Variants in FREM2 observed in about 807,000 individuals in gnomAD.
FREM2 encodes the protein FRAS1 related extracellular matrix 2.
FREM2 carries 119 observed loss-of-function variants against 219.9 expected under a neutral mutation model. The ratio of observed to expected loss-of-function variants is 0.54; its 90% confidence interval spans 0.47 to 0.63. The LOEUF (loss-of-function observed/expected upper bound fraction) is 0.63. Among genes scored for constraint, FREM2 ranks in the 30% least tolerant of loss-of-function variants. The pLI is 0.00. For synonymous variants in FREM2, 1,562 were observed against 1,522.8 expected, an observed-to-expected ratio of 1.03 and a Z score of -0.60; for missense variants, 4,030 against 3,993.6, an observed-to-expected ratio of 1.01 and a Z score of -0.25.
intron 2 of FREM2, among the ~76,000 whole-genome samples, chr13:38,704,659 G>C (rs1046160385): frequency 6.6e-6 from 1 of 152,142 alleles, no homozygotes; most frequent in South Asian, 2.1e-4. Flanking sequence ...GAGTGATTTA[G>C]ATTTTGTGCT....
rs779322969 is a variant in FREM2 at position 38,692,211 on chromosome 13, G to A, written c.4867G>A (p.Gly1623Ser). 1 of 1,613,996 alleles carries A rather than the reference G, an allele frequency of 6.2e-7. No homozygotes were observed. The highest frequency in any genetic ancestry group is 1.3e-5 in the African/African-American group (1 of 74,920). ...TAGCTTCTCCTTCACAGTGACTGAT[G>A]GCACCCATACAGACTTCTATGTTTT... ...EDSFSFTVTDGTHTDFYVFPD... is the reference protein window; with the variant it reads ...EDSFSFTVTDSTHTDFYVFPD... The change falls in exon 1 of 24, where the codon GGC becomes AGC. Residue 1623 changes from glycine (G) to serine (S), a missense_variant. Transcript: ENST00000280481.
chr13:38,688,219 C>A lies in FREM2; in HGVS notation c.875C>A (p.Pro292His), dbSNP rs1869590764. The A allele has an allele frequency of 1.2e-6, 2 of 1,613,404 alleles. No individual in the cohort carries two copies. Among genetic ancestry groups the A allele is most frequent in the Non-Finnish European group, 8.5e-7 (1 of 1,179,678 alleles). Residue 292 changes from proline (P) to histidine (H), a missense_variant, in exon 1 of 24, where the codon CCT (proline) becomes CAT (histidine). Pro to His is a moderately conservative substitution (Grantham distance 77, BLOSUM62 -2). Around this residue, in one of 2 missense-constraint regions of FREM2, gnomAD observed 3,102 missense variants for 2,950.7 expected, o/e 1.05. Coordinates refer to ENST00000280481, the MANE Select transcript of FREM2 (RefSeq NM_207361.6). ...MVVELRSRGA[P>H]VGSPALKREH... Reference sequence around the variant, plus strand: ...GTGGAGCTGCGTTCACGAGGGGCTCCTGTGGGCAGCCCTGCTTTGAAACGC... The same window carrying A: ...GTGGAGCTGCGTTCACGAGGGGCTCATGTGGGCAGCCCTGCTTTGAAACGC...
Position 38,857,876 on chromosome 13 carries a change from TGACGAAA to T in FREM2, c.7060_7066del (p.Thr2354ProfsTer5), listed in dbSNP as rs1877619819. ...GTGATAATTGTCTTTTCCTTCTAGT[TGACGAAA>T]GCCATTGTGTACATAGAAGAAATGA... On this transcript the variant is annotated frameshift_variant and splice_region_variant, in exon 13 of 24. Coordinates refer to ENST00000280481, the MANE Select transcript of FREM2 (RefSeq NM_207361.6). LOFTEE classifies it high-confidence loss of function. 2 of 1,613,094 alleles carry T rather than the reference TGACGAAA, an allele frequency of 1.2e-6. No homozygotes were observed. The highest frequency in any genetic ancestry group is 1.7e-6 in the Non-Finnish European group (2 of 1,179,032).
intron 6 of FREM2, among the ~76,000 whole-genome samples, chr13:38,831,441 C>A (rs1050778497): frequency 1.3e-5 from 2 of 152,104 alleles, no homozygotes; most frequent in Non-Finnish European, 2.9e-5. Context: ...GTATTTTCAA[C>A]TGAGATTTTG....
At chr13:38,837,715 A>T (rs534699160) in intron 6 of FREM2, among the ~76,000 whole-genome samples, 1 of 149,962 alleles carries the variant, frequency 6.7e-6, no homozygotes, top group South Asian at 2.1e-4. Flanking sequence ...GTCTTTTTTT[A>T]TCTTTGTTGG....
At chr13:38,701,124 A>G (rs779996847) in intron 2 of FREM2, among the ~76,000 whole-genome samples, 1 of 152,042 alleles carries the variant, frequency 6.6e-6, no homozygotes, top group Non-Finnish European at 1.5e-5. Flanking sequence ...AGTTACTTTC[A>G]TAGTGCAATT....
At chr13:38,779,907 C>T (rs1317428545) in intron 4 of FREM2, among the ~76,000 whole-genome samples, 2 of 152,212 alleles carry the variant, frequency 1.3e-5, no homozygotes, top group Admixed American at 6.5e-5. Flanking sequence ...GGCCCACACT[C>T]CTCTGGTTGT....
chr13:38,717,950 T>C (rs552963884), intron 2 of FREM2, among the ~76,000 whole-genome samples: 6 of 152,302 alleles, frequency 3.9e-5, no homozygotes, highest in African/African-American at 1.4e-4. Flanking sequence ...AGGTTTTCTT[T>C]TTACACAAGT....
intron 20 of FREM2, among the ~76,000 whole-genome samples, 160 bp from the exon 21 acceptor site, chr13:38,876,957 G>A (rs962848574): frequency 1.3e-5 from 2 of 152,158 alleles, no homozygotes; most frequent in Admixed American, 6.5e-5. Flanking sequence ...AAGGACAAAA[G>A]CAATGTTACA....
chr13:38,862,256 T>TC (rs1049888062), intron 15 of FREM2, among the ~76,000 whole-genome samples: 70 of 152,260 alleles, frequency 4.6e-4, no homozygotes, highest in African/African-American at 1.7e-3. Flanking sequence ...AGAATCTACC[T>TC]CCCCCAGAAC....
chr13:38,687,285 GC>G lies in FREM2; in HGVS notation c.-57del, dbSNP rs1869494076. The stretch of plus-strand genomic sequence containing the variant: ...TTCCCGGCGGTGTCTCTTGTTGTCT[GC>G]CCGGGGACCGACTTCGCATGCTCTC... On this transcript the variant is annotated 5_prime_UTR_variant, in exon 1 of 24. Transcript: ENST00000280481. The G allele has an allele frequency of 6.4e-7, 1 of 1,552,890 alleles. No individual in the cohort carries two copies. Among genetic ancestry groups the G allele is most frequent in the Non-Finnish European group, 8.7e-7 (1 of 1,147,976 alleles).
intron 2 of FREM2, among the ~76,000 whole-genome samples, chr13:38,751,076 A>C (rs1223538828): frequency 6.6e-6 from 1 of 151,978 alleles, no homozygotes; most frequent in Middle Eastern, 3.2e-3. Context: ...TCCATGTCTC[A>C]GCCATTGTAA....
chr13:38,738,565 C>CAAAAAAAAAAAAAAAAAA, intron 2 of FREM2, among the ~76,000 whole-genome samples: 1 of 48,466 alleles, frequency 2.1e-5, no homozygotes, highest in Non-Finnish European at 4.3e-5. Context: ...GACTCCATCT[C>CAAAAAAAAAAAAAAAAAA]AAAAAAAAAA....
intron 6 of FREM2, 24 bp downstream of exon 6, chr13:38,784,832 TTC>T (rs1257222930): frequency 1.2e-6 from 2 of 1,612,894 alleles, no homozygotes; most frequent in Admixed American, 3.3e-5. Flanking sequence ...TACTTGAAAA[TTC>T]TTTTTCCCGG....
intron 6 of FREM2, among the ~76,000 whole-genome samples, chr13:38,791,938 G>A (rs1013744059): frequency 3.9e-5 from 6 of 152,120 alleles, no homozygotes; most frequent in African/African-American, 1.4e-4. Flanking sequence ...TTATCATACT[G>A]TAGCAAACCC....
chr13:38,838,101 T>C (rs1876793025), intron 6 of FREM2, among the ~76,000 whole-genome samples: 1 of 152,182 alleles, frequency 6.6e-6, no homozygotes, highest in African/African-American at 2.4e-5. Context: ...CTGGTACTGG[T>C]TTTTCCTTTC....
intron 6 of FREM2, among the ~76,000 whole-genome samples, chr13:38,791,372 C>T (rs1874554500): frequency 6.6e-6 from 1 of 152,096 alleles, no homozygotes; most frequent in Non-Finnish European, 1.5e-5. Flanking sequence ...CCCTTTCTTA[C>T]CTTGGCCACC....
At chr13:38,692,545 A>G (rs774142113) in intron 1 of FREM2, 28 bp downstream of exon 1, 8 of 1,602,158 alleles carry the variant, frequency 5.0e-6, no homozygotes, top group East Asian at 2.2e-5. Flanking sequence ...TTTCTTGGTT[A>G]TCCTTGTTTC....
At chr13:38,805,646 A>G (rs1489592655) in intron 6 of FREM2, among the ~76,000 whole-genome samples, 1 of 151,950 alleles carries the variant, frequency 6.6e-6, no homozygotes, top group African/African-American at 2.4e-5. Flanking sequence ...AAGAAAGTCA[A>G]TTACTTGCAG....
Sources: allele counts gnomAD v4.1 joint callset (sites outside exome capture counted in the v4.1 genomes callset), GRCh38; gene constraint gnomAD v4.1.1; regional missense constraint gnomAD v4.1.1; transcripts MANE v1.5; gene names NCBI Gene and HGNC (gene_info 2026-07-23, HGNC 2026-07-21).